Variants in ATG2B observed in about 807,000 individuals in gnomAD.
ATG2B encodes autophagy-related protein 2 homolog B.
Under a neutral mutation model 241.3 loss-of-function variants are expected in ATG2B, and 121 were observed. The observed-to-expected ratio is 0.50, with a 90% confidence interval of 0.43 to 0.58. The LOEUF is 0.58. Ranked by LOEUF, ATG2B falls within the 20% of genes least tolerant of loss-of-function variation. The probability of loss-of-function intolerance (pLI) is 0.00; values close to 1 mark genes in which losing one functional copy is unlikely to be tolerated. For missense variants in ATG2B, 2,306 were observed against 2,491.6 expected (o/e 0.93, Z 1.59); for synonymous variants, 858 against 876.6 (o/e 0.98, Z 0.37).
At chr14:96,298,522 A>G (rs1595296298) in intron 34 of ATG2B, among the ~76,000 whole-genome samples, 1 of 152,384 alleles carries the variant, frequency 6.6e-6, no homozygotes, top group East Asian at 1.9e-4. Context: ...AAAACCATGG[A>G]ACAACCTCAG....
intron 1 of ATG2B, among the ~76,000 whole-genome samples, chr14:96,360,626 T>C (rs546088987): frequency 1.1e-4 from 16 of 152,344 alleles, no homozygotes; most frequent in African/African-American, 3.1e-4. Flanking sequence ...GAAAAACTAA[T>C]TGAGATCAGG....
At position 96,311,277 on chromosome 14, in the gene ATG2B, C is replaced by T. The variant is rs777707421; in HGVS notation, c.4001G>A (p.Arg1334His). Residue 1334 changes from arginine to histidine, a missense_variant, in exon 28 of 42, where the codon CGC becomes CAC. Transcript: ENST00000359933. Reference protein sequence around the residue: ...SDSDGEQTEPRFELHCSSDVV... With the variant: ...SDSDGEQTEPHFELHCSSDVV... ...ATCGCTGGAACAGTGTAACTCAAAG[C>T]GGGGCTCAGTCTGGACAAGACACAG... The T allele has an allele frequency of 1.1e-5, 17 of 1,611,824 alleles. No individual in the cohort carries two copies. The highest frequency in any genetic ancestry group is 9.9e-5 in the South Asian group (9 of 90,598).
At chr14:96,326,653 C>T (rs997145246) in intron 14 of ATG2B, among the ~76,000 whole-genome samples, 2 of 152,152 alleles carry the variant, frequency 1.3e-5, no homozygotes, top group African/African-American at 4.8e-5. Context: ...TACGTTGTAA[C>T]ACTCCTCAGT....
chr14:96,315,315 G>A, intron 22 of ATG2B, 69 bp downstream of exon 22: 1 of 1,581,360 alleles, frequency 6.3e-7, no homozygotes, highest in Non-Finnish European at 8.7e-7. Flanking sequence ...AAATAAATAT[G>A]TTGCCTTTTA....
At position 96,333,828 on chromosome 14, in the gene ATG2B, C is replaced by G. The variant is rs759771840; in HGVS notation, c.1067G>C (p.Arg356Pro). 1.9e-6 allele frequency: 3 copies of G among 1,613,546 alleles called. No homozygotes were observed. Among genetic ancestry groups the G allele is most frequent in the African/African-American group, 2.7e-5 (2 of 74,836 alleles). The stretch of plus-strand genomic sequence containing the variant: ...ATACTCGTCTTCCTGCTGCATGGGT[C>G]GATTTTTCCTATCTTTATTAGCTAA... ...IGLANKDRKN[R>P]PMQQEDEYRI... The change falls in exon 8 of 42, where the codon CGA becomes CCA. Residue 356 changes from arginine to proline, a missense_variant. Arg to Pro is a moderately radical substitution (Grantham distance 103). This residue lies in a region of ATG2B where 1,927 missense variants were observed against 2,011.2 expected (regional missense o/e 0.96). Transcript: ENST00000359933.
At chr14:96,291,542 T>C in intron 38 of ATG2B, 58 bp downstream of exon 38, 1 of 1,316,084 alleles carries the variant, frequency 7.6e-7, no homozygotes, top group Non-Finnish European at 1.1e-6. Flanking sequence ...GTTTTTAAAT[T>C]TGTTGTACAC....
rs1172169019 is a variant in ATG2B at position 96,281,295 on chromosome 14, ATTC to A, written c.*4457_*4459del. 1.3e-5 allele frequency: 2 copies of A among 152,256 alleles called. No homozygotes were observed. Among genetic ancestry groups the A allele is most frequent in the African/African-American group, 4.8e-5 (2 of 41,470 alleles). The allele number at this position is 152,256 out of a possible 1,614,324, so 9.4% of individuals were successfully genotyped here. ...ATATTTTAATTTTTTCTTCAAGAGTATTCTTATTTTCATATTATTTAAATAGTC... is the reference window on the plus strand; with the variant it reads ...ATATTTTAATTTTTTCTTCAAGAGTATTATTTTCATATTATTTAAATAGTC... On this transcript the variant is annotated 3_prime_UTR_variant, in exon 42 of 42. Transcript: ENST00000359933.
Position 96,332,173 on chromosome 14 carries a change from G to A in ATG2B, c.1468+132C>T, listed in dbSNP as rs977923850. ...ACTTCACAGTGAATTGTTTAACAAT[G>A]GTTCATTTTGCTTTCTGAACTTTGT... On this transcript the variant is annotated intron_variant, in intron 10 of 41. Transcript: ENST00000359933. 3.8e-5 allele frequency: 25 copies of A among 654,178 alleles called. No individual in the cohort carries two copies. The African/African-American group carries it at 4.6e-4, about 12-fold the overall frequency. The allele number at this position is 654,178 out of a possible 1,614,324, so 40.5% of individuals were successfully genotyped here.
chr14:96,320,064 C>T (rs941540148), intron 18 of ATG2B, among the ~76,000 whole-genome samples: 1 of 152,088 alleles, frequency 6.6e-6, no homozygotes, highest in Non-Finnish European at 1.5e-5. Context: ...AACCAACTAT[C>T]CAGATTAACA....
chr14:96,316,788 T>A lies in ATG2B; in HGVS notation c.3211-105A>T, dbSNP rs932515687. 2.9e-5 allele frequency: 27 copies of A among 938,712 alleles called. No homozygotes were observed. In the Admixed American group the frequency reaches 7.3e-4, roughly 26 times the overall value. The allele number at this position is 938,712 out of a possible 1,614,324, so 58.1% of individuals were successfully genotyped here. A position where few individuals can be genotyped will look rare whatever the true frequency, so the allele number is the denominator to read the frequency against. On this transcript the variant is annotated intron_variant, in intron 20 of 41. Transcript: ENST00000359933. ...TGATTCAGCTTAGGAAAATCTCCCA[T>A]ACTGCAGCAAAGCAGTCTAATCCTT...
intron 1 of ATG2B, among the ~76,000 whole-genome samples, chr14:96,361,429 T>C (rs1888624677): frequency 1.3e-5 from 2 of 152,162 alleles, no homozygotes; most frequent in South Asian, 4.1e-4. Context: ...TTAAAGTCAT[T>C]AAAGGATAAT....
chr14:96,342,675 T>C (rs561046664), intron 5 of ATG2B, among the ~76,000 whole-genome samples: 38 of 149,526 alleles, frequency 2.5e-4, no homozygotes, highest in African/African-American at 7.4e-4. Flanking sequence ...TGAGTCGAGA[T>C]TGCGCCACTG....
Position 96,317,073 on chromosome 14 carries a change from A to G in ATG2B, c.3210+72T>C, listed in dbSNP as rs906133106. On this transcript the variant is annotated intron_variant, in intron 20 of 41. Transcript: ENST00000359933. ...CAAAATATCAAATACTTCAATCACTAGATATGTATCCTAGCAGATTTATTT... is the reference window on the plus strand; with the variant it reads ...CAAAATATCAAATACTTCAATCACTGGATATGTATCCTAGCAGATTTATTT... 1.5e-5 allele frequency: 20 copies of G among 1,317,270 alleles called. No individual in the cohort carries two copies. In the South Asian group the frequency reaches 2.7e-4, roughly 18 times the overall value. The allele number at this position is 1,317,270 out of a possible 1,614,324, so 81.6% of individuals were successfully genotyped here.
Position 96,322,610 on chromosome 14 carries a change from T to C in ATG2B, c.2666A>G (p.Asp889Gly), listed in dbSNP as rs778658961. The part of the protein sequence containing the change: ...EEEGGAHSLK[D>G]VCDLRRPAPS... ...GGCTGGTCTTCTTAGATCACAAACA[T>C]CTTTCAAGGAATGAGCACCTCCTTC... The change falls in exon 17 of 42, where the codon GAT (aspartate) becomes GGT (glycine). Residue 889 changes from aspartate to glycine, a missense_variant. Physicochemically the swap from Asp to Gly is moderately conservative, Grantham distance 94. Around this residue, in one of 2 missense-constraint regions of ATG2B, gnomAD observed 1,927 missense variants for 2,011.2 expected, o/e 0.96. Coordinates refer to ENST00000359933, the MANE Select transcript of ATG2B (RefSeq NM_018036.7). 4.3e-6 allele frequency: 7 copies of C among 1,613,616 alleles called. No homozygotes were observed. The highest frequency in any genetic ancestry group is 5.9e-6 in the Non-Finnish European group (7 of 1,179,900).
chr14:96,330,964 T>C (rs1340296245), intron 11 of ATG2B, among the ~76,000 whole-genome samples: 2 of 152,220 alleles, frequency 1.3e-5, no homozygotes, highest in Non-Finnish European at 2.9e-5. Context: ...GCCAGTGGCA[T>C]ATGGATCAGT....
chr14:96,334,272 ATTC>A, intron 7 of ATG2B, 130 bp downstream of exon 7: 1 of 631,956 alleles, frequency 1.6e-6, no homozygotes, highest in South Asian at 2.2e-5. Flanking sequence ...ACTACTTAAC[ATTC>A]TTATTTGCTT....
intron 30 of ATG2B, among the ~76,000 whole-genome samples, chr14:96,306,027 A>G (rs368025225): frequency 2.0e-5 from 3 of 152,364 alleles, no homozygotes; most frequent in East Asian, 1.9e-4. Flanking sequence ...AAACCACTCC[A>G]TAAGGATTTT....
In ATG2B at chr14:96,306,863, G is replaced by A. The variant is rs61732338; in HGVS notation, c.4357C>T (p.Leu1453=). The change falls in exon 30 of 42, where the codon CTG becomes TTG. Residue 1453 remains leucine, a synonymous_variant. Coordinates refer to ENST00000359933, the MANE Select transcript of ATG2B (RefSeq NM_018036.7). Reference sequence around the variant, plus strand: ...ACATTCCCACTCTCGTCAGGAAACAGGAAGAGGTCTGAACAACATGGCTCC... The same window carrying A: ...ACATTCCCACTCTCGTCAGGAAACAAGAAGAGGTCTGAACAACATGGCTCC... ...IQEPCCSDLF[L]FPDESGNVSQ... is the part of the protein sequence containing the mutation. The A allele has an allele frequency of 1.3e-5, 21 of 1,613,916 alleles. No individual in the cohort carries two copies. The African/African-American group carries it at 2.0e-4, about 15-fold the overall frequency.
At position 96,341,712 on chromosome 14, in the gene ATG2B, G is replaced by A; in HGVS notation, c.745-11C>T. The A allele has an allele frequency of 1.3e-6, 2 of 1,508,844 alleles. No individual in the cohort carries two copies. The highest frequency in any genetic ancestry group is 1.8e-6 in the Non-Finnish European group (2 of 1,125,988). The allele number at this position is 1,508,844 out of a possible 1,614,324, so 93.5% of individuals were successfully genotyped here. ...CTTTGGCTCAGTTTCCTACAATAAAGTGACAAAAATAATTATTTAAAATAC... is the reference window on the plus strand; with the variant it reads ...CTTTGGCTCAGTTTCCTACAATAAAATGACAAAAATAATTATTTAAAATAC... On this transcript the variant is annotated splice_polypyrimidine_tract_variant and intron_variant, in intron 5 of 41. Transcript: ENST00000359933.
Sources: allele counts gnomAD v4.1 joint callset (sites outside exome capture counted in the v4.1 genomes callset), GRCh38; gene constraint gnomAD v4.1.1; regional missense constraint gnomAD v4.1.1; transcripts MANE v1.5; gene names NCBI Gene and HGNC (gene_info 2026-07-23, HGNC 2026-07-21).